The following MDN1 variants were observed in gnomAD, a reference collection of about 807,000 sequenced individuals.
The protein encoded by MDN1 is midasin.
In MDN1, 266 loss-of-function variants were observed where a neutral mutation model predicts 669.2. The observed-to-expected ratio is 0.40, with a 90% CI of 0.36 to 0.44. The LOEUF (loss-of-function observed/expected upper bound fraction) is 0.44. Among genes scored for constraint, MDN1 ranks in the 20% least tolerant of loss-of-function variants. MDN1 has a pLI of 1.00. For missense variants in MDN1, 5,940 were observed against 6,754.0 expected, an observed-to-expected ratio of 0.88 and a Z score of 4.22; for synonymous variants, 2,385 against 2,457.1, an observed-to-expected ratio of 0.97 and a Z score of 0.87.
intron 100 of MDN1, among the ~76,000 whole-genome samples, chr6:89,645,740 G>A (rs1808451356): frequency 6.6e-6 from 1 of 152,172 alleles, no homozygotes. Context: ...TTGCTACATA[G>A]TGTTTCCAGC....
chr6:89,765,215 C>T (rs985016972), intron 15 of MDN1, among the ~76,000 whole-genome samples: 5 of 151,758 alleles, frequency 3.3e-5, no homozygotes, highest in Non-Finnish European at 1.5e-5. Flanking sequence ...CAAGATCGTG[C>T]CACTGCACTC....
At chr6:89,772,423 A>G (rs1042712202) in intron 14 of MDN1, 150 bp downstream of exon 14, 5 of 726,032 alleles carry the variant, frequency 6.9e-6, no homozygotes, top group Non-Finnish European at 1.1e-5. Flanking sequence ...ATAATAATCT[A>G]TTAACAGTAG....
At chr6:89,690,863 G>C (rs1319142801) in intron 63 of MDN1, 29 bp from the exon 64 acceptor site, 2 of 1,608,898 alleles carry the variant, frequency 1.2e-6, no homozygotes, top group Non-Finnish European at 8.5e-7. Context: ...GAAAGAAGCT[G>C]AGCTTTCTTT....
chr6:89,782,774 A>C (rs1818749018), intron 9 of MDN1, among the ~76,000 whole-genome samples: 1 of 152,112 alleles, frequency 6.6e-6, no homozygotes, highest in Non-Finnish European at 1.5e-5. Flanking sequence ...CCCTGTCTCT[A>C]CTAAAAATTA....
In MDN1 at chr6:89,654,258, G is replaced by C. The variant is rs780588284; in HGVS notation, c.15567C>G (p.Thr5189=). The C allele has an allele frequency of 3.7e-6, 6 of 1,614,046 alleles. No homozygotes were observed. Among genetic ancestry groups the C allele is most frequent in the Admixed American group, 3.3e-5 (2 of 60,008 alleles). Residue 5189 remains threonine, a synonymous_variant, in exon 93 of 102, where the codon ACC becomes ACG. Coordinates refer to ENST00000369393, the MANE Select transcript of MDN1 (RefSeq NM_014611.3). Reference sequence around the variant, plus strand: ...CCTCCTGCTCCTCTGTGTCCATAAGGGTGTCCTCTATCTCCTCCTCTTCCT... The same window carrying C: ...CCTCCTGCTCCTCTGTGTCCATAAGCGTGTCCTCTATCTCCTCCTCTTCCT... ...KDQEEEEIED[T]LMDTEEQEEF...
intron 18 of MDN1, 73 bp downstream of exon 18, chr6:89,758,743 C>T (rs369067376): frequency 6.7e-7 from 1 of 1,488,744 alleles, no homozygotes; most frequent in Non-Finnish European, 9.2e-7. Context: ...CTAACAACAA[C>T]AACAAAAAAT....
At chr6:89,751,352 G>C (rs761219577) in intron 23 of MDN1, 79 bp downstream of exon 23, 1 of 1,528,242 alleles carries the variant, frequency 6.5e-7, no homozygotes, top group Non-Finnish European at 9.0e-7. Context: ...CTCTTTGAAA[G>C]TTAAGGAAGT....
At chr6:89,669,890 G>A (rs955143096) in intron 83 of MDN1, among the ~76,000 whole-genome samples, 2 of 151,658 alleles carry the variant, frequency 1.3e-5, no homozygotes, top group African/African-American at 4.9e-5. Flanking sequence ...ATGGCTGAAT[G>A]AACAAATGAC....
chr6:89,782,070 C>T (rs1358530489), intron 9 of MDN1, among the ~76,000 whole-genome samples: 1 of 152,166 alleles, frequency 6.6e-6, no homozygotes, highest in East Asian at 1.9e-4. Context: ...CCTGTTCCCA[C>T]CCACCTATTT....
At chr6:89,656,627 T>TA (rs1554166244) in intron 91 of MDN1, 73 bp downstream of exon 91, 162 of 1,012,220 alleles carry the variant, frequency 1.6e-4, no homozygotes, top group Non-Finnish European at 2.0e-4. Context: ...TTTTTTTTTT[T>TA]AAAGCACTAC....
intron 1 of MDN1, 102 bp from the exon 2 acceptor site, chr6:89,803,656 A>C (rs1267716888): frequency 4.5e-5 from 38 of 840,090 alleles, no homozygotes; most frequent in Non-Finnish European, 7.0e-5. Flanking sequence ...ATCTCAGCTC[A>C]CTGCAAGCTC....
rs1309896118 is a variant in MDN1, at chr6:89,762,293, CA to C, written c.2356+25del. 5 of 1,588,624 alleles carry C rather than the reference CA, an allele frequency of 3.1e-6. No individual in the cohort carries two copies. In the Middle Eastern group the frequency reaches 5.0e-4, roughly 159 times the overall value. On this transcript the variant is annotated intron_variant, in intron 16 of 101. Coordinates refer to ENST00000369393, the MANE Select transcript of MDN1 (RefSeq NM_014611.3). ...TAAAGCCCAGCCCCATGCCCTCCCC[CA>C]TGGCAGCCTGGGTCACATCCTTACC...
chr6:89,733,693 A>G (rs1815745166), intron 33 of MDN1, among the ~76,000 whole-genome samples: 1 of 151,966 alleles, frequency 6.6e-6, no homozygotes, highest in Non-Finnish European at 1.5e-5. Flanking sequence ...AAATTCCAGT[A>G]ACAATGAGGA....
intron 1 of MDN1, among the ~76,000 whole-genome samples, chr6:89,803,895 CTTTTTTTTTTTTT>C (rs56246331): frequency 2.6e-5 from 2 of 76,414 alleles, no homozygotes; most frequent in African/African-American, 5.3e-5. Flanking sequence ...CTTTTCTTTT[CTTTTTTTTTTTTT>C]TTTTTTTTTT....
At chr6:89,805,966 C>A (rs1433912608) in intron 1 of MDN1, among the ~76,000 whole-genome samples, 2 of 151,844 alleles carry the variant, frequency 1.3e-5, no homozygotes, top group African/African-American at 2.4e-5. Flanking sequence ...GAGACAAGGT[C>A]TTGGTCTGTC....
intron 26 of MDN1, among the ~76,000 whole-genome samples, chr6:89,747,696 C>T (rs1488766029): frequency 6.6e-6 from 1 of 150,620 alleles, no homozygotes; most frequent in Non-Finnish European, 1.5e-5. Flanking sequence ...TCGAGACCAT[C>T]CTGGCTAACA....
At chr6:89,690,957 A>G in intron 63 of MDN1, 123 bp from the exon 64 acceptor site, 3 of 1,175,662 alleles carry the variant, frequency 2.6e-6, no homozygotes, top group Non-Finnish European at 3.5e-6. Flanking sequence ...ATAAAAGCCA[A>G]CATCCAAGAA....
chr6:89,700,714 A>G lies in MDN1; in HGVS notation c.8570T>C (p.Leu2857Ser). ...RLQVVASQWT[L>S]KKSLLQAWGL... Reference sequence around the variant, plus strand: ...CCAGGCTTGCAGGAGACTTTTCTTTAATGTCCACTGAGAAGCAACCACTTG... The same window carrying G: ...CCAGGCTTGCAGGAGACTTTTCTTTGATGTCCACTGAGAAGCAACCACTTG... The change falls in exon 56 of 102, where the codon TTA becomes TCA. Residue 2857 changes from leucine to serine, a missense_variant. By Grantham distance (145) the Leu-to-Ser change is moderately radical. This residue lies in a region of MDN1 where 2,292 missense variants were observed against 2,638.3 expected (regional missense o/e 0.87). Coordinates refer to ENST00000369393, the MANE Select transcript of MDN1 (RefSeq NM_014611.3). The G allele has an allele frequency of 6.2e-7, 1 of 1,614,196 alleles. No individual in the cohort carries two copies. The highest frequency in any genetic ancestry group is 8.5e-7 in the Non-Finnish European group (1 of 1,180,026).
chr6:89,717,069 T>C (rs534404937), intron 43 of MDN1, among the ~76,000 whole-genome samples: 56 of 152,342 alleles, frequency 3.7e-4, no homozygotes, highest in African/African-American at 1.3e-3. Flanking sequence ...GATTTTTCTG[T>C]ATTACGGTTT....
Sources: allele counts gnomAD v4.1 joint callset (sites outside exome capture counted in the v4.1 genomes callset), GRCh38; gene constraint gnomAD v4.1.1; regional missense constraint gnomAD v4.1.1; transcripts MANE v1.5; gene names NCBI Gene and HGNC (gene_info 2026-07-23, HGNC 2026-07-21).